The following IQSEC1 variants were observed in gnomAD, a reference collection of about 807,000 sequenced individuals.
IQSEC1 encodes IQ motif and Sec7 domain ArfGEF 1.
IQSEC1 carries 31 observed loss-of-function variants against 91.0 expected under a neutral mutation model. That is an observed-to-expected ratio of 0.34 (90% confidence interval 0.26 to 0.46). IQSEC1 has a LOEUF of 0.46. Ranked by LOEUF, IQSEC1 falls within the 20% of genes least tolerant of loss-of-function variation. IQSEC1 has a pLI of 1.00. For synonymous variants in IQSEC1, 699 were observed against 662.6 expected (o/e 1.05, Z -0.84); for missense variants, 1,388 against 1,575.6 (o/e 0.88, Z 2.02).
intron 1 of IQSEC1, among the ~76,000 whole-genome samples, chr3:12,985,276 G>A (rs1275783853): frequency 2.6e-5 from 4 of 152,160 alleles, no homozygotes; most frequent in Non-Finnish European, 4.4e-5. Context: ...TGCCATACAC[G>A]CTGGGCTCCC....
chr3:13,149,187 C>T (rs948224840), intron 2 of IQSEC1, among the ~76,000 whole-genome samples: 2 of 152,222 alleles, frequency 1.3e-5, no homozygotes, highest in African/African-American at 4.8e-5. Context: ...CATCCCAAAG[C>T]GCAGCTCATC....
intron 1 of IQSEC1, among the ~76,000 whole-genome samples, chr3:12,954,305 G>C (rs1047867902): frequency 6.6e-6 from 1 of 152,204 alleles, no homozygotes; most frequent in African/African-American, 2.4e-5. Flanking sequence ...CTGGGGATGA[G>C]AGGGCAGCCC....
Position 13,220,594 on chromosome 3 carries a change from C to T in IQSEC1, c.273-56461G>A, listed in dbSNP as rs142929400. Among the ~76,000 whole-genome samples, 15 of 152,346 alleles carry T rather than the reference C, an allele frequency of 9.8e-5. No individual in the cohort carries two copies. In the East Asian group the frequency reaches 1.7e-3, roughly 18 times the overall value. On this transcript the variant is annotated intron_variant, in intron 1 of 15. Coordinates refer to the IQSEC1 transcript ENST00000648114. ...TTAAATGACTAATTAATGATCTAGC[C>T]TATTTCCTGGTCGGGACAAGGTCAG...
Position 13,259,662 on chromosome 3 carries a change from A to C in IQSEC1, c.272+23049T>G, listed in dbSNP as rs547321952. ...GTTGCCATTCAAAACCAGCAGCTCC[A>C]CAACCATCTCCTTGGGTCCATGGGG... On this transcript the variant is annotated intron_variant, in intron 1 of 15. Transcript: ENST00000648114. This position sits in a 1 kb window ranked among gnomAD's most constrained non-coding sequence, Gnocchi z 4.6. Among the ~76,000 whole-genome samples the C allele has an allele frequency of 6.6e-6, 1 of 152,308 alleles. No individual in the cohort carries two copies. The highest frequency in any genetic ancestry group is 2.1e-4 in the South Asian group (1 of 4,828).
intron 2 of IQSEC1, among the ~76,000 whole-genome samples, chr3:13,140,151 C>T (rs1182724959): frequency 1.3e-5 from 2 of 152,216 alleles, no homozygotes; most frequent in African/African-American, 4.8e-5. Context: ...ACTCCCTCCT[C>T]CAGGCAGTCT....
chr3:12,953,842 C>T (rs1311565959), intron 1 of IQSEC1, among the ~76,000 whole-genome samples: 1 of 152,234 alleles, frequency 6.6e-6, no homozygotes, highest in Non-Finnish European at 1.5e-5. Context: ...TTCTCTGAGC[C>T]TTGGTTTCCT....
intron 1 of IQSEC1, among the ~76,000 whole-genome samples, chr3:13,223,623 A>G (rs9851071): frequency 0.2 from 30,981 of 152,178 alleles, 4,558 homozygotes; most frequent in African/African-American, 0.4. Context: ...CACCTTCCCC[A>G]TGCACCCATC....
chr3:13,197,149 G>C (rs1194555176), intron 1 of IQSEC1, among the ~76,000 whole-genome samples: 1 of 152,154 alleles, frequency 6.6e-6, no homozygotes, highest in African/African-American at 2.4e-5. Context: ...GCCTCTCCAG[G>C]AGCCTGAAGA....
intron 2 of IQSEC1, among the ~76,000 whole-genome samples, chr3:13,133,471 C>T (rs143176036): frequency 6.6e-6 from 1 of 152,158 alleles, no homozygotes; most frequent in African/African-American, 2.4e-5. Flanking sequence ...GAAATGTCAG[C>T]GAGGCAGACC....
At position 12,936,476 on chromosome 3, in the gene IQSEC1, C is replaced by A; in HGVS notation, c.540G>T (p.Gly180=). 6.2e-7 allele frequency: 1 copy of A among 1,611,778 alleles called. No homozygotes were observed. The highest frequency in any genetic ancestry group is 8.5e-7 in the Non-Finnish European group (1 of 1,178,596). Residue 180 remains glycine, a synonymous_variant, in exon 3 of 14, where the codon GGG becomes GGT. Transcript: ENST00000613206. ...PEKVHSSYFE[G]KQVSVTNDGS... is the part of the protein sequence containing the mutation. ...CGTCGTTAGTCACTGAGACCTGCTT[C>A]CCCTCGAAGTAGGAGCTGTGCACTT...
At chr3:13,246,664 T>G (rs990897483) in intron 1 of IQSEC1, among the ~76,000 whole-genome samples, 4 of 152,308 alleles carry the variant, frequency 2.6e-5, no homozygotes, top group Admixed American at 2.0e-4. Context: ...TGTGCCCTGC[T>G]CTGTGGATCT....
At chr3:13,068,519 T>A (rs1705311920) in intron 1 of IQSEC1, among the ~76,000 whole-genome samples, 1 of 152,166 alleles carries the variant, frequency 6.6e-6, no homozygotes. Context: ...GAGGCCCCAA[T>A]GCAGTTCCCC....
At chr3:12,969,717 T>G (rs548017703) in intron 1 of IQSEC1, among the ~76,000 whole-genome samples, 3 of 152,312 alleles carry the variant, frequency 2.0e-5, no homozygotes, top group Admixed American at 1.3e-4. Flanking sequence ...TCCAAGAATT[T>G]CAGGCACTTC....
intron 2 of IQSEC1, among the ~76,000 whole-genome samples, chr3:13,082,270 C>A (rs1428009618): frequency 6.6e-6 from 1 of 152,210 alleles, no homozygotes; most frequent in Non-Finnish European, 1.5e-5. Flanking sequence ...CAAATGGCTG[C>A]CGAGTGCTTA....
chr3:12,944,714 G>T (rs1044677308), intron 1 of IQSEC1, among the ~76,000 whole-genome samples: 3 of 152,144 alleles, frequency 2.0e-5, no homozygotes, highest in African/African-American at 7.2e-5. Flanking sequence ...CTAAGAGGAG[G>T]ATTCAAAACA....
intron 2 of IQSEC1, among the ~76,000 whole-genome samples, chr3:13,163,971 G>T (rs1225385412): frequency 6.6e-6 from 1 of 152,212 alleles, no homozygotes; most frequent in East Asian, 1.9e-4. Flanking sequence ...ACACGCCAGG[G>T]CTGAAGGGGG....
intron 1 of IQSEC1, among the ~76,000 whole-genome samples, chr3:13,224,815 A>AGGTAT (rs1488929481): frequency 6.6e-6 from 1 of 152,228 alleles, no homozygotes; most frequent in Non-Finnish European, 1.5e-5. Context: ...CACATCAGGC[A>AGGTAT]GGTATGGGAG....
chr3:13,072,485 C>T (rs1216437902), intron 1 of IQSEC1, among the ~76,000 whole-genome samples: 1 of 152,252 alleles, frequency 6.6e-6, no homozygotes, highest in Non-Finnish European at 1.5e-5. Context: ...CACAGAACAC[C>T]TGGGCACACA....
At chr3:13,076,593 C>T (rs917737077), upstream of IQSEC1, among the ~76,000 whole-genome samples, 1 of 152,074 alleles carries the variant, frequency 6.6e-6, no homozygotes, top group Non-Finnish European at 1.5e-5. Context: ...GGCAGGGAGC[C>T]CCGAATCCCA....
Sources: allele counts gnomAD v4.1 joint callset (sites outside exome capture counted in the v4.1 genomes callset), GRCh38; gene constraint gnomAD v4.1.1; non-coding constraint Gnocchi (gnomAD v3.1); transcripts MANE v1.5; gene names NCBI Gene and HGNC (gene_info 2026-07-23, HGNC 2026-07-21).